Variants in RASAL2 observed in about 807,000 individuals in gnomAD.
The protein encoded by RASAL2 is RAS protein activator like 2, also known as ras GTPase-activating protein nGAP.
In RASAL2, 58 loss-of-function variants were observed where a neutral mutation model predicts 128.9. That is an observed-to-expected ratio of 0.45 (90% CI 0.36 to 0.56). The LOEUF (loss-of-function observed/expected upper bound fraction) is 0.56, where lower values mean the gene tolerates loss of function less well. Ranked by LOEUF, RASAL2 falls within the 20% of genes least tolerant of loss-of-function variation. The pLI is 0.00. For synonymous variants in RASAL2, 561 were observed against 580.8 expected, an observed-to-expected ratio of 0.97 and a Z score of 0.49; for missense variants, 1,360 against 1,601.6, an observed-to-expected ratio of 0.85 and a Z score of 2.57.
At chr1:178,204,856 A>G (rs1030296682) in intron 1 of RASAL2, among the ~76,000 whole-genome samples, 4 of 152,218 alleles carry the variant, frequency 2.6e-5, no homozygotes, top group African/African-American at 9.6e-5. Flanking sequence ...ATGAAATACA[A>G]TGGTATTTCA....
chr1:178,374,542 C>T (rs985914191), intron 3 of RASAL2, among the ~76,000 whole-genome samples: 4 of 152,104 alleles, frequency 2.6e-5, no homozygotes, highest in South Asian at 2.1e-4. Flanking sequence ...TTCCCAATAA[C>T]GTAGCTCACT....
chr1:178,248,996 A>T (rs564189515), intron 1 of RASAL2, among the ~76,000 whole-genome samples: 7 of 152,080 alleles, frequency 4.6e-5, no homozygotes, highest in African/African-American at 1.7e-4. Context: ...TCAACTTTGG[A>T]GAATCTGATG....
At chr1:178,466,375 T>A (rs947546848) in intron 16 of RASAL2, among the ~76,000 whole-genome samples, 5 of 152,170 alleles carry the variant, frequency 3.3e-5, no homozygotes, top group Admixed American at 3.3e-4. Context: ...TTGAGAAATC[T>A]TAGAGGAGAA....
intron 1 of RASAL2, among the ~76,000 whole-genome samples, chr1:178,189,771 T>C (rs1662426691): frequency 6.6e-6 from 1 of 152,206 alleles, no homozygotes; most frequent in Non-Finnish European, 1.5e-5. Context: ...CATCTATTTA[T>C]GTGTTTTTTT....
rs747215511 is a variant in RASAL2, at chr1:178,473,912, A to C, written c.*673A>C. Reference sequence around the variant, plus strand: ...AGCTGTTGCATCAAAACTGGACTTTAGGAGTAATTTCTATTGAACTCCTGT... The same window carrying C: ...AGCTGTTGCATCAAAACTGGACTTTCGGAGTAATTTCTATTGAACTCCTGT... On this transcript the variant is annotated 3_prime_UTR_variant, in exon 18 of 18. Transcript: ENST00000367649. 4 of 152,450 alleles carry C rather than the reference A, an allele frequency of 2.6e-5. No individual in the cohort carries two copies. Among genetic ancestry groups the C allele is most frequent in the Non-Finnish European group, 5.9e-5 (4 of 68,066 alleles). 9.4% of individuals were successfully genotyped at this position (152,450 alleles called of 1,614,324 possible).
chr1:178,348,465 T>C (rs1027391314), intron 3 of RASAL2, among the ~76,000 whole-genome samples: 1 of 152,132 alleles, frequency 6.6e-6, no homozygotes, highest in African/African-American at 2.4e-5. Context: ...GGCTAATTTT[T>C]AAAATTATTT....
Position 178,205,305 on chromosome 1 carries a change from C to T in RASAL2, c.203-78259C>T, listed in dbSNP as rs1663001552. On this transcript the variant is annotated intron_variant, in intron 1 of 17. Transcript: ENST00000367649. ...CAGGTGTGAGGCACTGTGCCCAGCCCAGAAAATTGTTTATAGAAAAATACA... is the reference window on the plus strand; with the variant it reads ...CAGGTGTGAGGCACTGTGCCCAGCCTAGAAAATTGTTTATAGAAAAATACA... 2.0e-5 allele frequency among the ~76,000 whole-genome samples: 3 copies of T among 151,994 alleles called. No homozygotes were observed. In the South Asian group the frequency reaches 6.2e-4, roughly 32 times the overall value.
intron 9 of RASAL2, among the ~76,000 whole-genome samples, chr1:178,447,330 T>A (rs79180665): frequency 0.44 from 65,059 of 149,184 alleles, 14,635 homozygotes; most frequent in East Asian, 0.62. Flanking sequence ...TTAAAAAAAA[T>A]AAATAAATAA....
At position 178,452,603 on chromosome 1, in the gene RASAL2, A is replaced by G. The variant is rs1558001597; in HGVS notation, c.1960A>G (p.Thr654Ala). ...QEYPDDRTSR[T>A]LTLIAKVIQN... is the part of the protein sequence containing the mutation. ...GTATCCTGATGACCGCACATCTCGG[A>G]CTCTAACTCTTATTGCCAAGGTCAT... Residue 654 changes from threonine (T) to alanine (A), a missense_variant, in exon 11 of 18, where the codon ACT becomes GCT. Physicochemically the swap from Thr to Ala is moderately conservative, Grantham distance 58. This residue lies in a region of RASAL2 where 741 missense variants were observed against 868.6 expected (regional missense o/e 0.85). Coordinates refer to ENST00000367649, the MANE Select transcript of RASAL2 (RefSeq NM_170692.4). The G allele has an allele frequency of 4.3e-6, 7 of 1,613,938 alleles. No homozygotes were observed. The highest frequency in any genetic ancestry group is 5.1e-6 in the Non-Finnish European group (6 of 1,179,936).
At chr1:178,411,897 T>A (rs1042216210) in intron 4 of RASAL2, 2 of 694,280 alleles carry the variant, frequency 2.9e-6, no homozygotes, top group East Asian at 5.1e-5. Context: ...CTGGGGCCAG[T>A]CGGCCTTCAG....
intron 1 of RASAL2, among the ~76,000 whole-genome samples, chr1:178,146,263 A>G (rs1180999932): frequency 6.6e-6 from 1 of 152,244 alleles, no homozygotes; most frequent in Non-Finnish European, 1.5e-5. Flanking sequence ...TTCACAACAG[A>G]GAGGAATGGT....
intron 4 of RASAL2, among the ~76,000 whole-genome samples, chr1:178,403,240 T>C (rs564347260): frequency 2.6e-4 from 39 of 152,298 alleles, no homozygotes; most frequent in Admixed American, 7.8e-4. Flanking sequence ...TAGTTTGGTT[T>C]TAATAATTTT....
intron 4 of RASAL2, among the ~76,000 whole-genome samples, chr1:178,417,265 A>G (rs1460825093): frequency 1.3e-5 from 2 of 152,096 alleles, no homozygotes; most frequent in Non-Finnish European, 2.9e-5. Context: ...TTCTTTCCTC[A>G]GCCATGTCCA....
chr1:178,259,814 T>C (rs549537060), intron 1 of RASAL2, among the ~76,000 whole-genome samples: 3 of 152,122 alleles, frequency 2.0e-5, no homozygotes, highest in Non-Finnish European at 4.4e-5. Flanking sequence ...TCCTCCCTCC[T>C]TGGCCTCTCA....
chr1:178,346,412 A>AAAAG (rs560440784), intron 3 of RASAL2, among the ~76,000 whole-genome samples: 5 of 152,090 alleles, frequency 3.3e-5, no homozygotes, highest in East Asian at 1.9e-4. Context: ...TTAAAAAAAA[A>AAAAG]AAAGAAAGAA....
At chr1:178,168,422 T>G (rs1438615329) in intron 1 of RASAL2, among the ~76,000 whole-genome samples, 1 of 152,046 alleles carries the variant, frequency 6.6e-6, no homozygotes, top group Non-Finnish European at 1.5e-5. Context: ...TTCCGTTTTA[T>G]ACCTTTAGCT....
At chr1:178,126,036 G>T (rs73049381) in intron 1 of RASAL2, among the ~76,000 whole-genome samples, 4,297 of 152,176 alleles carry the variant, frequency 0.028, 79 homozygotes, top group East Asian at 0.087. Flanking sequence ...ACACTTTCTG[G>T]GTACTCAGAA....
At chr1:178,298,197 G>A (rs1044559677) in intron 2 of RASAL2, among the ~76,000 whole-genome samples, 2 of 152,114 alleles carry the variant, frequency 1.3e-5, no homozygotes, top group Admixed American at 6.5e-5. Context: ...AATTATTTAA[G>A]TAGAGATAAT....
intron 1 of RASAL2, among the ~76,000 whole-genome samples, chr1:178,186,510 A>G (rs1662306261): frequency 6.6e-6 from 1 of 152,254 alleles, no homozygotes; most frequent in African/African-American, 2.4e-5. Context: ...TGTTTTACTA[A>G]TTATAGAATT....
Sources: gnomAD v4.1 joint callset for allele counts (sites outside exome capture counted in the v4.1 genomes callset) on GRCh38, gnomAD v4.1.1 for gene constraint, gnomAD v4.1.1 regional missense constraint, MANE v1.5 for transcripts, NCBI Gene and HGNC (gene_info 2026-07-23, HGNC 2026-07-21) for gene names.